Variants in CLSTN3 observed in about 807,000 individuals in gnomAD.
CLSTN3 encodes calsyntenin 3, also known as calsyntenin-3.
In CLSTN3, 36 loss-of-function variants were observed where a neutral mutation model predicts 95.9. The observed-to-expected ratio is 0.38, with a 90% CI of 0.29 to 0.50. CLSTN3 has a LOEUF of 0.50. Ranked by LOEUF, CLSTN3 falls within the 20% of genes least tolerant of loss-of-function variation. The probability of loss-of-function intolerance (pLI) is 0.95; values close to 1 mark genes in which losing one functional copy is unlikely to be tolerated. For synonymous variants in CLSTN3, 481 were observed against 504.0 expected (o/e 0.95, Z 0.61); for missense variants, 1,084 against 1,268.8 (o/e 0.85, Z 2.21).
intron 1 of CLSTN3, 60 bp from the exon 2 acceptor site, chr12:7,132,964 T>C (rs1407121081): frequency 1.9e-6 from 3 of 1,609,766 alleles, no homozygotes; most frequent in African/African-American, 1.3e-5. Context: ...ACAAGGGTTG[T>C]TGTGGGAGTA....
Position 7,158,271 on chromosome 12 carries a change from C to T in CLSTN3, c.*190C>T. 1.6e-6 allele frequency: 1 copy of T among 628,090 alleles called. No individual in the cohort carries two copies. Among genetic ancestry groups the T allele is most frequent in the Non-Finnish European group, 2.6e-6 (1 of 380,800 alleles). 38.9% of individuals were successfully genotyped at this position (628,090 alleles called of 1,614,324 possible). A position where few individuals can be genotyped will look rare whatever the true frequency, so the allele number is the denominator to read the frequency against. On this transcript the variant is annotated 3_prime_UTR_variant, in exon 18 of 18. Coordinates refer to ENST00000266546, the MANE Select transcript of CLSTN3 (RefSeq NM_014718.4). ...CCTGCCCCTCCCCCGGCCCCCCATCCCTCACTTCTGGGCTGTCATGCTCCT... is the reference window on the plus strand; with the variant it reads ...CCTGCCCCTCCCCCGGCCCCCCATCTCTCACTTCTGGGCTGTCATGCTCCT...
chr12:7,138,204 C>T (rs934284383), intron 8 of CLSTN3, 137 bp downstream of exon 8: 5 of 583,016 alleles, frequency 8.6e-6, no homozygotes, highest in Non-Finnish European at 1.5e-5. Flanking sequence ...AGCCCCTGAC[C>T]ATTCTACTCC....
In CLSTN3 at chr12:7,141,357, A is replaced by G; in HGVS notation, c.1439A>G (p.His480Arg). 6.2e-7 allele frequency: 1 copy of G among 1,613,950 alleles called. No homozygotes were observed. The highest frequency in any genetic ancestry group is 8.5e-7 in the Non-Finnish European group (1 of 1,179,964). The change falls in exon 9 of 18, where the codon CAC becomes CGC. Residue 480 changes from histidine (H) to arginine (R), a missense_variant. His to Arg is a conservative substitution (Grantham distance 29). Coordinates refer to ENST00000266546, the MANE Select transcript of CLSTN3 (RefSeq NM_014718.4). This position sits in a 1 kb window ranked among gnomAD's most constrained non-coding sequence, Gnocchi z 4.1. ...CTCATCCATGACAATGGCCTCATCC[A>G]CCCACCCCGAAGGGAGCCTGCTCTC... Reference protein sequence around the residue: ...PALIHDNGLIHPPRREPALMI... With the variant: ...PALIHDNGLIRPPRREPALMI...
In CLSTN3 at chr12:7,137,058, C is replaced by T. The variant is rs1359413798; in HGVS notation, c.1158C>T (p.Pro386=). Reference sequence around the variant, plus strand: ...TCTGGATGAAGCATGGCGTAACTCCCAACAAGGGCAAGAAGGAAGAGGAAA... The same window carrying T: ...TCTGGATGAAGCATGGCGTAACTCCTAACAAGGGCAAGAAGGAAGAGGAAA... The part of the protein sequence containing the change: ...LSFWMKHGVT[P]NKGKKEEETI... The change falls in exon 7 of 18, where the codon CCC becomes CCT. Residue 386 remains proline (P), a synonymous_variant. Transcript: ENST00000266546. This position sits in a 1 kb window ranked among gnomAD's most constrained non-coding sequence, Gnocchi z 4.4. 1 of 1,614,112 alleles carries T rather than the reference C, an allele frequency of 6.2e-7. No homozygotes were observed. The highest frequency in any genetic ancestry group is 8.5e-7 in the Non-Finnish European group (1 of 1,180,006).
At chr12:7,139,924 G>A (rs183827188) in intron 8 of CLSTN3, among the ~76,000 whole-genome samples, 12 of 152,316 alleles carry the variant, frequency 7.9e-5, no homozygotes, top group Middle Eastern at 3.4e-3. Flanking sequence ...GATTACAGGC[G>A]TGAGCCACTG....
At chr12:7,152,215 T>C (rs1236555098) in intron 16 of CLSTN3, among the ~76,000 whole-genome samples, 2 of 152,250 alleles carry the variant, frequency 1.3e-5, no homozygotes, top group African/African-American at 4.8e-5. Context: ...TTTTGTAACC[T>C]GATATTTACA....
At position 7,132,771 on chromosome 12, in the gene CLSTN3, C is replaced by T. The variant is rs1939328345; in HGVS notation, c.65-253C>T. 1.8e-5 allele frequency: 11 copies of T among 602,270 alleles called. No homozygotes were observed. The South Asian group carries it at 2.0e-4, about 11-fold the overall frequency. 37.3% of individuals were successfully genotyped at this position (602,270 alleles called of 1,614,324 possible). ...GGAGATAGTGATCCCCTCCTCTTCA[C>T]CCCCAGGGCAGGTTGTTTCCATGGG... On this transcript the variant is annotated intron_variant, in intron 1 of 17. Coordinates refer to ENST00000266546, the MANE Select transcript of CLSTN3 (RefSeq NM_014718.4).
Position 7,147,395 on chromosome 12 carries a change from C to CAAA in CLSTN3, c.1848-1577_1848-1576insAAA, listed in dbSNP as rs1565652698. Among the ~76,000 whole-genome samples the CAAA allele has an allele frequency of 4.1e-3, 82 of 19,800 alleles. 3 individuals carry two copies. The East Asian group carries it at 0.09, about 22-fold the overall frequency. The allele number at this position is 19,800 out of a possible 152,430, so 13.0% of individuals were successfully genotyped here. A position where few individuals can be genotyped will look rare whatever the true frequency, so the allele number is the denominator to read the frequency against. ...GCCTGGGCAACAGAGAGAGACTCTG[C>CAAA]CAAAAAAAAAAAAAAAAAAAAAAAA... On this transcript the variant is annotated intron_variant, in intron 12 of 17. Coordinates refer to ENST00000266546, the MANE Select transcript of CLSTN3 (RefSeq NM_014718.4).
At chr12:7,142,015 C>T in intron 9 of CLSTN3, 71 bp from the exon 10 acceptor site, 1 of 1,218,898 alleles carries the variant, frequency 8.2e-7, no homozygotes, top group South Asian at 1.4e-5. Flanking sequence ...GAAGACATCT[C>T]ATTCCTCTCT....
At chr12:7,140,690 C>G (rs1430303420) in intron 8 of CLSTN3, among the ~76,000 whole-genome samples, 2 of 152,166 alleles carry the variant, frequency 1.3e-5, no homozygotes, top group Non-Finnish European at 2.9e-5. Flanking sequence ...GAGAGGATCA[C>G]TGGAGGCCAG....
Position 7,137,280 on chromosome 12 carries a change from T to C in CLSTN3, c.1210+170T>C, listed in dbSNP as rs1371552883. ...TCTGTGCTTTATCCCCAACATGACA[T>C]GTTGGATCGTACTGCTGTCAGAGTG... On this transcript the variant is annotated intron_variant, in intron 7 of 17. Transcript: ENST00000266546. The surrounding 1 kb of genome is among the most constrained non-coding windows in gnomAD (Gnocchi z 4.4). The C allele has an allele frequency of 1.5e-5, 10 of 654,470 alleles. No homozygotes were observed. Among genetic ancestry groups the C allele is most frequent in the Admixed American group, 8.8e-5 (3 of 34,036 alleles). The allele number at this position is 654,470 out of a possible 1,614,324, so 40.5% of individuals were successfully genotyped here.
chr12:7,144,240 A>G (rs1458289077), intron 12 of CLSTN3, among the ~76,000 whole-genome samples: 1 of 151,958 alleles, frequency 6.6e-6, no homozygotes, highest in Admixed American at 6.6e-5. Flanking sequence ...CTCAAAAAAA[A>G]AAAAAAAAAA....
chr12:7,148,156 A>AAAAGAAAGAAAGAAAGAAAG lies in CLSTN3; in HGVS notation c.1848-776_1848-757dup, dbSNP rs55677407. Among the ~76,000 whole-genome samples, 190 of 135,498 alleles carry AAAAGAAAGAAAGAAAGAAAG rather than the reference A, an allele frequency of 1.4e-3. 1 individual carries two copies. Among genetic ancestry groups the AAAAGAAAGAAAGAAAGAAAG allele is most frequent in the Middle Eastern group, 3.6e-3 (1 of 280 alleles). The allele number at this position is 135,498 out of a possible 152,430, so 88.9% of individuals were successfully genotyped here. A position where few individuals can be genotyped will look rare whatever the true frequency, so the allele number is the denominator to read the frequency against. ...GGGCAACAAGAGTGAAACTCCATCA[A>AAAAGAAAGAAAGAAAGAAAG]AAAGAAAGAAAGAAAGAAAGAAAGA... On this transcript the variant is annotated intron_variant, in intron 12 of 17. Coordinates refer to ENST00000266546, the MANE Select transcript of CLSTN3 (RefSeq NM_014718.4).
chr12:7,148,508 A>G (rs1271105679), intron 12 of CLSTN3, among the ~76,000 whole-genome samples: 2 of 152,236 alleles, frequency 1.3e-5, no homozygotes, highest in Admixed American at 1.3e-4. Context: ...ACATCCTTTG[A>G]TAGATGTCCA....
chr12:7,132,038 G>A (rs985430606), intron 1 of CLSTN3, among the ~76,000 whole-genome samples: 1 of 152,036 alleles, frequency 6.6e-6, no homozygotes, highest in South Asian at 2.1e-4. Flanking sequence ...AGGCTGGGGT[G>A]GGGGGTGATG....
At position 7,137,121 on chromosome 12, in the gene CLSTN3, C is replaced by T; in HGVS notation, c.1210+11C>T. ...ACACTGTCCAGAATGGTGAGCCTCC[C>T]CTCCAGGCACTAGCCAGAGGGGGAA... On this transcript the variant is annotated intron_variant, in intron 7 of 17. Coordinates refer to ENST00000266546, the MANE Select transcript of CLSTN3 (RefSeq NM_014718.4). This position sits in a 1 kb window ranked among gnomAD's most constrained non-coding sequence, Gnocchi z 4.4. 1 of 1,594,032 alleles carries T rather than the reference C, an allele frequency of 6.3e-7. No homozygotes were observed. The highest frequency in any genetic ancestry group is 8.6e-7 in the Non-Finnish European group (1 of 1,168,614).
rs1939352741 is a variant in CLSTN3, at chr12:7,133,785, C to A, written c.383+17C>A. The A allele has an allele frequency of 2.6e-6, 4 of 1,540,968 alleles. No homozygotes were observed. Among genetic ancestry groups the A allele is most frequent in the Non-Finnish European group, 3.5e-6 (4 of 1,145,476 alleles). ...GTCCCACAAGTGAGGAAGTCCTTGT[C>A]TCCTGCCCCATGTGTTGCAGGGTCC... On this transcript the variant is annotated intron_variant, in intron 3 of 17. Coordinates refer to ENST00000266546, the MANE Select transcript of CLSTN3 (RefSeq NM_014718.4). The surrounding 1 kb of genome is among the most constrained non-coding windows in gnomAD (Gnocchi z 4.7).
chr12:7,130,253 A>C (rs1591611359), upstream of CLSTN3: 4 of 498,850 alleles, frequency 8.0e-6, no homozygotes, highest in Admixed American at 9.3e-5. Flanking sequence ...GAAACTCTCC[A>C]GCCCCGACGC....
chr12:7,151,896 T>TA (rs1939729412), intron 16 of CLSTN3, among the ~76,000 whole-genome samples: 1 of 150,942 alleles, frequency 6.6e-6, no homozygotes, highest in East Asian at 1.9e-4. Context: ...TTACAAAAAA[T>TA]AAAAAAAATT....
Sources: gnomAD v4.1 joint callset for allele counts (sites outside exome capture counted in the v4.1 genomes callset) on GRCh38, gnomAD v4.1.1 for gene constraint, Gnocchi (gnomAD v3.1) non-coding constraint, MANE v1.5 for transcripts, NCBI Gene and HGNC (gene_info 2026-07-23, HGNC 2026-07-21) for gene names.